Variants in ZNF717 observed in about 807,000 individuals in gnomAD.
ZNF717 encodes the protein krueppel-like factor X17.
A neutral mutation model predicts 13.8 loss-of-function variants in ZNF717; 9 were observed. The observed-to-expected ratio is 0.65, with a 90% confidence interval of 0.39 to 1.14. The LOEUF is 1.14. Among genes scored for constraint, ZNF717 ranks in the 50% most tolerant of loss-of-function variants. The probability of loss-of-function intolerance (pLI) is 0.01; values close to 1 mark genes in which losing one functional copy is unlikely to be tolerated. For synonymous variants in ZNF717, 327 were observed against 364.1 expected (o/e 0.90, Z 1.16); for missense variants, 1,040 against 1,080.7 (o/e 0.96, Z 0.53).
At chr3:75,714,626 G>A (rs79441321) in intron 5 of ZNF717, among the ~76,000 whole-genome samples, 7 of 151,804 alleles carry the variant, frequency 4.6e-5, no homozygotes, top group Non-Finnish European at 7.4e-5. Context: ...GTGGCTTGCC[G>A]CCCACATAAT....
chr3:75,765,342 A>T (rs1249053948), intron 2 of ZNF717, among the ~76,000 whole-genome samples: 1 of 152,178 alleles, frequency 6.6e-6, no homozygotes, highest in Non-Finnish European at 1.5e-5. Context: ...CTGTATACTT[A>T]CAACTGGTTA....
At chr3:75,754,301 T>C (rs1942270171) in intron 2 of ZNF717, among the ~76,000 whole-genome samples, 1 of 148,724 alleles carries the variant, frequency 6.7e-6, no homozygotes, top group Admixed American at 6.7e-5. Context: ...TTTTAGTGGG[T>C]ACTTCATGCC....
chr3:75,723,753 CT>C lies in ZNF717; in HGVS notation n.545-7213del, dbSNP rs898175963. 4.4e-3 allele frequency among the ~76,000 whole-genome samples: 673 copies of C among 152,280 alleles called. 1 individual carries two copies. The highest frequency in any genetic ancestry group is 7.4e-3 in the Non-Finnish European group (504 of 68,024). On this transcript the variant is annotated intron_variant and non_coding_transcript_variant, in intron 4 of 5. Coordinates refer to the ZNF717 transcript ENST00000491507. Reference sequence around the variant, plus strand: ...GGAAGACGCCTGTTACTGAGCAGACCTTGGTCTAGCGGTAGCTCTAGTGCCT... The same window carrying C: ...GGAAGACGCCTGTTACTGAGCAGACCTGGTCTAGCGGTAGCTCTAGTGCCT...
chr3:75,720,946 A>C (rs1456758339), intron 4 of ZNF717, among the ~76,000 whole-genome samples: 18 of 152,230 alleles, frequency 1.2e-4, no homozygotes, highest in Admixed American at 6.5e-5. Flanking sequence ...ATATTTATTA[A>C]GATTGTGAAA....
At chr3:75,756,166 T>A (rs1942455050) in intron 2 of ZNF717, among the ~76,000 whole-genome samples, 1 of 152,288 alleles carries the variant, frequency 6.6e-6, no homozygotes, top group African/African-American at 2.4e-5. Context: ...AATGGTGATC[T>A]GTAATCAGTG....
intron 2 of ZNF717, among the ~76,000 whole-genome samples, chr3:75,761,539 A>C (rs2107554326): frequency 6.6e-6 from 1 of 152,398 alleles, no homozygotes; most frequent in East Asian, 1.9e-4. Flanking sequence ...ATAATTAGGC[A>C]AGAGAAAGAA....
chr3:75,755,083 TC>T (rs954499196), intron 2 of ZNF717, among the ~76,000 whole-genome samples: 43 of 152,314 alleles, frequency 2.8e-4, no homozygotes, highest in African/African-American at 9.4e-4. Flanking sequence ...AACCTAAGTT[TC>T]TGTACCCACT....
chr3:75,737,926 T>A lies in ZNF717; in HGVS notation c.1697A>T (p.Asn566Ile). 6.4e-7 allele frequency: 1 copy of A among 1,550,886 alleles called. No individual in the cohort carries two copies. Among genetic ancestry groups the A allele is most frequent in the Non-Finnish European group, 8.7e-7 (1 of 1,146,306 alleles). ...ACAGTGAAAGGATTTTCCACATTCA[T>A]TACATTCATAGGGTTTTTCCCCTGT... ...THTGEKPYECNECGKSFHCKS... is the reference protein window; with the variant it reads ...THTGEKPYECIECGKSFHCKS... Residue 566 changes from asparagine to isoleucine, a missense_variant, in exon 5 of 5, where the codon AAT becomes ATT. Coordinates refer to ENST00000652011, the MANE Select transcript of ZNF717 (RefSeq NM_001290208.3).
intron 4 of ZNF717, among the ~76,000 whole-genome samples, chr3:75,740,205 A>C (rs374454439): frequency 0.036 from 5,469 of 152,278 alleles, 77 homozygotes; most frequent in African/African-American, 0.06. Context: ...GATGTCACAC[A>C]GTTTTATATA....
chr3:75,702,678 T>C (rs1195388453), intron 6 of ZNF717, among the ~76,000 whole-genome samples: 1 of 152,294 alleles, frequency 6.6e-6, no homozygotes, highest in African/African-American at 2.4e-5. Context: ...CCATTTTTTA[T>C]TATGTATTAC....
chr3:75,776,003 A>G (rs1356914456), intron 2 of ZNF717, among the ~76,000 whole-genome samples: 2 of 152,290 alleles, frequency 1.3e-5, no homozygotes, highest in Non-Finnish European at 2.9e-5. Context: ...GTTTAGACAT[A>G]TAATTTAAAT....
chr3:75,701,351 G>C (rs796582426), intron 6 of ZNF717, among the ~76,000 whole-genome samples: 33 of 151,754 alleles, frequency 2.2e-4, no homozygotes, highest in African/African-American at 7.8e-4. Context: ...GGAACTGTGA[G>C]TTAATTAAAC....
chr3:75,712,440 G>T (rs1937960207), intron 5 of ZNF717, among the ~76,000 whole-genome samples: 1 of 152,288 alleles, frequency 6.6e-6, no homozygotes, highest in South Asian at 2.1e-4. Context: ...TCCTTAGAAA[G>T]ACTTTTCTAA....
chr3:75,746,347 T>C (rs1261050048), intron 2 of ZNF717, among the ~76,000 whole-genome samples: 1 of 152,208 alleles, frequency 6.6e-6, no homozygotes, highest in Non-Finnish European at 1.5e-5. Context: ...AACTTACGTG[T>C]GTATGTGTCT....
intron 2 of ZNF717, among the ~76,000 whole-genome samples, chr3:75,757,609 C>T (rs1184532632): frequency 6.6e-6 from 1 of 152,214 alleles, no homozygotes; most frequent in Non-Finnish European, 1.5e-5. Context: ...ACTAACCCAA[C>T]ATTCATTCTG....
chr3:75,749,686 T>C (rs1482834515), intron 2 of ZNF717, among the ~76,000 whole-genome samples: 2 of 152,056 alleles, frequency 1.3e-5, no homozygotes, highest in Non-Finnish European at 2.9e-5. Flanking sequence ...ATTCTGAGTA[T>C]TTCCCCTCAC....
intron 4 of ZNF717, among the ~76,000 whole-genome samples, chr3:75,718,323 T>A (rs1414552998): frequency 6.6e-6 from 1 of 152,052 alleles, no homozygotes; most frequent in Non-Finnish European, 1.5e-5. Flanking sequence ...AGGAAGACAT[T>A]CGGCTGGGCT....
intron 4 of ZNF717, among the ~76,000 whole-genome samples, chr3:75,717,894 TCAC>T (rs1938088785): frequency 1.3e-5 from 2 of 152,202 alleles, no homozygotes; most frequent in South Asian, 4.2e-4. Context: ...TATGGATGAT[TCAC>T]CACGTCTCAG....
chr3:75,706,227 G>T (rs1195407866), downstream of ZNF717, among the ~76,000 whole-genome samples: 1 of 152,292 alleles, frequency 6.6e-6, no homozygotes, highest in Non-Finnish European at 1.5e-5. Flanking sequence ...TAAAACGGTG[G>T]ATAATTTAGA....
Sources: allele counts gnomAD v4.1 joint callset (sites outside exome capture counted in the v4.1 genomes callset), GRCh38; gene constraint gnomAD v4.1.1; transcripts MANE v1.5; gene names NCBI Gene and HGNC (gene_info 2026-07-23, HGNC 2026-07-21).